RHOU: variants seen among roughly 807,000 people sequenced by gnomAD.
RHOU encodes the protein rho-related GTP-binding protein RhoU.
In RHOU, 8 loss-of-function variants were observed where a neutral mutation model predicts 12.6. That is an observed-to-expected ratio of 0.64 (90% CI 0.37 to 1.15). The LOEUF (loss-of-function observed/expected upper bound fraction) is 1.15, where lower values mean the gene tolerates loss of function less well. RHOU is among the 50% of genes most tolerant of loss of function. RHOU has a pLI of 0.01. For missense variants in RHOU, 258 were observed against 347.0 expected, an observed-to-expected ratio of 0.74 and a Z score of 2.04; for synonymous variants, 161 against 147.4, an observed-to-expected ratio of 1.09 and a Z score of -0.67.
At position 228,746,229 on chromosome 1, in the gene RHOU, T is replaced by G. The variant is rs1456512718; in HGVS notation, c.*2489T>G. The G allele has an allele frequency of 6.6e-6, 1 of 152,230 alleles. No homozygotes were observed. Among genetic ancestry groups the G allele is most frequent in the Non-Finnish European group, 1.5e-5 (1 of 68,040 alleles). 9.4% of individuals were successfully genotyped at this position (152,230 alleles called of 1,614,324 possible). ...ATAGAGTTTGGGGCCGAAAATGTTT[T>G]TAAAGTATGTGTTTGAGTTAAATAT... On this transcript the variant is annotated 3_prime_UTR_variant, in exon 3 of 3. Transcript: ENST00000366691.
the RHOU span, among the ~76,000 whole-genome samples, chr1:228,712,499 T>C: frequency 0.096 from 14,561 of 152,004 alleles, 767 homozygotes; most frequent in Middle Eastern, 0.22. Context: ...GATGAGTTCA[T>C]GTCCTTTGTA....
the RHOU span, among the ~76,000 whole-genome samples, chr1:228,670,400 G>A: frequency 6.6e-6 from 1 of 152,186 alleles, no homozygotes; most frequent in Admixed American, 6.5e-5. Context: ...TCAACTGGAG[G>A]AATTCAGCAA....
intron 1 of RHOU, among the ~76,000 whole-genome samples, chr1:228,736,358 C>G (rs1662612659): frequency 6.6e-6 from 1 of 151,718 alleles, no homozygotes; most frequent in Admixed American, 6.6e-5. Flanking sequence ...TTGCATAGAG[C>G]AAAGTTTCCT....
At chr1:228,706,366 T>G in the RHOU span, among the ~76,000 whole-genome samples, 1 of 152,260 alleles carries the variant, frequency 6.6e-6, no homozygotes, top group Non-Finnish European at 1.5e-5. Context: ...AGAGGGACTC[T>G]GGCACTACTT....
chr1:228,674,519 G>A, the RHOU span, among the ~76,000 whole-genome samples: 1 of 150,106 alleles, frequency 6.7e-6, no homozygotes, highest in African/African-American at 2.5e-5. Context: ...GCTAATTTTT[G>A]CTTTTTAGTA....
At chr1:228,727,879 G>A in the RHOU span, among the ~76,000 whole-genome samples, 3 of 152,166 alleles carry the variant, frequency 2.0e-5, no homozygotes, top group African/African-American at 7.2e-5. Context: ...GCTAAGAGGG[G>A]TTTCTAATGA....
At chr1:228,684,570 C>T in the RHOU span, among the ~76,000 whole-genome samples, 1 of 152,162 alleles carries the variant, frequency 6.6e-6, no homozygotes, top group South Asian at 2.1e-4. Context: ...CTCAAGTGAT[C>T]CACGTGTCTC....
the RHOU span, among the ~76,000 whole-genome samples, chr1:228,699,182 C>T: frequency 1.3e-5 from 2 of 151,240 alleles, no homozygotes; most frequent in African/African-American, 2.4e-5. Context: ...CCTGTAACCT[C>T]AGCACTTTGG....
the RHOU span, among the ~76,000 whole-genome samples, chr1:228,659,529 A>C: frequency 6.6e-6 from 1 of 151,268 alleles, no homozygotes; most frequent in Non-Finnish European, 1.5e-5. Context: ...AATAAAACAG[A>C]GCATTAAAAA....
At chr1:228,687,899 A>G in the RHOU span, 4 of 812,244 alleles carry the variant, frequency 4.9e-6, no homozygotes, top group Non-Finnish European at 8.5e-6. Flanking sequence ...TTTCTAACAT[A>G]TTGTTCTCCC....
the RHOU span, chr1:228,652,618 A>T: frequency 6.6e-6 from 1 of 152,206 alleles, no homozygotes; most frequent in Admixed American, 6.5e-5. Context: ...CTTTTTTAAA[A>T]AAAATTTTAT....
chr1:228,710,121 A>G, the RHOU span, among the ~76,000 whole-genome samples: 1 of 152,220 alleles, frequency 6.6e-6, no homozygotes, highest in Non-Finnish European at 1.5e-5. Flanking sequence ...AAGAAGTTGA[A>G]TCTCTGAATA....
chr1:228,735,527 A>G lies in RHOU; in HGVS notation c.-216A>G, dbSNP rs1234569843. ...TCGGACCGCTGTCCTCCAACAGCGC[A>G]GGGCAGAGCGGCTGGCGCCGCCGGA... On this transcript the variant is annotated 5_prime_UTR_variant, in exon 1 of 3. Transcript: ENST00000366691. This position sits in a 1 kb window ranked among gnomAD's most constrained non-coding sequence, Gnocchi z 8.1. 1.0e-5 allele frequency: 3 copies of G among 296,830 alleles called. No individual in the cohort carries two copies. Among genetic ancestry groups the G allele is most frequent in the Non-Finnish European group, 1.8e-5 (3 of 162,980 alleles). The allele number at this position is 296,830 out of a possible 1,614,324, so 18.4% of individuals were successfully genotyped here.
At chr1:228,681,636 A>T in the RHOU span, among the ~76,000 whole-genome samples, 1 of 152,176 alleles carries the variant, frequency 6.6e-6, no homozygotes, top group Non-Finnish European at 1.5e-5. Context: ...GGAGAAATCG[A>T]AAGTGTCATT....
At chr1:228,671,283 G>C in the RHOU span, among the ~76,000 whole-genome samples, 1 of 152,142 alleles carries the variant, frequency 6.6e-6, no homozygotes, top group Non-Finnish European at 1.5e-5. Context: ...AGGATTACAG[G>C]TGTGAGCCAC....
chr1:228,726,093 T>C, the RHOU span, among the ~76,000 whole-genome samples: 1 of 152,218 alleles, frequency 6.6e-6, no homozygotes, highest in Non-Finnish European at 1.5e-5. Context: ...CCTTCCTCCT[T>C]ATGTTTTATT....
At chr1:228,676,414 T>A in the RHOU span, among the ~76,000 whole-genome samples, 2 of 152,120 alleles carry the variant, frequency 1.3e-5, no homozygotes, top group African/African-American at 4.8e-5. Flanking sequence ...CACTTTGGAT[T>A]TTGGGAGGCT....
intron 2 of RHOU, among the ~76,000 whole-genome samples, chr1:228,739,765 G>T (rs1162266375): frequency 6.6e-6 from 1 of 152,242 alleles, no homozygotes; most frequent in Non-Finnish European, 1.5e-5. Flanking sequence ...TGTCCACTGG[G>T]CTCCCCGTAA....
chr1:228,694,525 T>C, the RHOU span, among the ~76,000 whole-genome samples: 4 of 151,902 alleles, frequency 2.6e-5, no homozygotes, highest in Non-Finnish European at 2.9e-5. Context: ...CCCACAGGAG[T>C]CCATGTGTTC....
Sources: gnomAD v4.1 joint callset for allele counts (sites outside exome capture counted in the v4.1 genomes callset) on GRCh38, gnomAD v4.1.1 for gene constraint, Gnocchi (gnomAD v3.1) non-coding constraint, MANE v1.5 for transcripts, NCBI Gene and HGNC (gene_info 2026-07-23, HGNC 2026-07-21) for gene names.